Variants in ZNF536 observed in about 807,000 individuals in gnomAD.
ZNF536 encodes zinc finger protein 536.
Under a neutral mutation model 84.5 loss-of-function variants are expected in ZNF536, and 13 were observed. The observed-to-expected ratio is 0.15, with a 90% CI of 0.10 to 0.24. The LOEUF is 0.24. Among genes scored for constraint, ZNF536 ranks in the 10% least tolerant of loss-of-function variants. ZNF536 has a pLI of 1.00. For synonymous variants in ZNF536, 811 were observed against 742.5 expected, an observed-to-expected ratio of 1.09 and a Z score of -1.50; for missense variants, 1,536 against 1,747.5, an observed-to-expected ratio of 0.88 and a Z score of 2.16.
intron 1 of ZNF536, among the ~76,000 whole-genome samples, chr19:30,627,374 G>A (rs925726653): frequency 1.3e-5 from 2 of 149,356 alleles, no homozygotes; most frequent in Non-Finnish European, 3.0e-5. Context: ...GGGAAGCTGA[G>A]GGAAGAGGAT....
chr19:30,672,292 T>C (rs1419795105), intron 1 of ZNF536, among the ~76,000 whole-genome samples: 1 of 152,232 alleles, frequency 6.6e-6, no homozygotes, highest in Non-Finnish European at 1.5e-5. Flanking sequence ...GAGACTTAAG[T>C]GACCACCCCA....
intron 1 of ZNF536, among the ~76,000 whole-genome samples, chr19:30,254,606 T>C (rs999171663): frequency 6.9e-6 from 1 of 145,810 alleles, no homozygotes; most frequent in East Asian, 2.1e-4. Flanking sequence ...AAAAAAATCA[T>C]CCAAACCTCC....
At chr19:30,310,317 G>A (rs1162670450) in intron 2 of ZNF536, among the ~76,000 whole-genome samples, 1 of 152,184 alleles carries the variant, frequency 6.6e-6, no homozygotes, top group Non-Finnish European at 1.5e-5. Flanking sequence ...TTCTTAAACA[G>A]GGGTTGTTTT....
intron 1 of ZNF536, among the ~76,000 whole-genome samples, chr19:30,632,713 A>G (rs933043132): frequency 4.6e-5 from 7 of 152,034 alleles, no homozygotes; most frequent in South Asian, 2.1e-4. Flanking sequence ...CTAGGCCCCA[A>G]TCTCTGTCTC....
chr19:30,645,607 T>C (rs923564422), intron 1 of ZNF536, among the ~76,000 whole-genome samples: 6 of 152,236 alleles, frequency 3.9e-5, no homozygotes, highest in African/African-American at 1.2e-4. Context: ...TTAATATTAA[T>C]GAATGATGTA....
intron 1 of ZNF536, among the ~76,000 whole-genome samples, chr19:30,265,581 C>T (rs1042588227): frequency 6.6e-6 from 1 of 152,194 alleles, no homozygotes; most frequent in African/African-American, 2.4e-5. Flanking sequence ...TGGGGAGACG[C>T]ACTCAGAAAG....
At chr19:30,481,333 G>A (rs561324695) in intron 2 of ZNF536, among the ~76,000 whole-genome samples, 66 of 152,212 alleles carry the variant, frequency 4.3e-4, no homozygotes, top group African/African-American at 1.6e-3. Context: ...TCTCTCTGGG[G>A]GAGTCACACT....
At chr19:30,234,484 C>G (rs1414943983) in intron 1 of ZNF536, among the ~76,000 whole-genome samples, 2 of 149,858 alleles carry the variant, frequency 1.3e-5, no homozygotes, top group South Asian at 4.2e-4. Flanking sequence ...TCACTGCAAC[C>G]TCTGCCTCCC....
intron 1 of ZNF536, among the ~76,000 whole-genome samples, chr19:30,683,424 T>G (rs914586889): frequency 3.3e-5 from 5 of 151,962 alleles, no homozygotes; most frequent in African/African-American, 1.2e-4. Context: ...GTTCAAGGAG[T>G]GTTATGGTGT....
intron 1 of ZNF536, among the ~76,000 whole-genome samples, chr19:30,234,142 A>G (rs2023287696): frequency 6.6e-6 from 1 of 152,210 alleles, no homozygotes; most frequent in African/African-American, 2.4e-5. Context: ...TGAGAAAATT[A>G]AGTGCTGTTA....
chr19:30,233,104 G>C (rs1428647333), intron 1 of ZNF536, among the ~76,000 whole-genome samples: 1 of 152,108 alleles, frequency 6.6e-6, no homozygotes, highest in African/African-American at 2.4e-5. Flanking sequence ...AGACCCATGG[G>C]GTCTGAGAGG....
At chr19:30,469,278 G>A (rs765303844) in intron 2 of ZNF536, among the ~76,000 whole-genome samples, 22 of 152,246 alleles carry the variant, frequency 1.4e-4, no homozygotes, top group Middle Eastern at 3.4e-3. Context: ...GCCGGGCGTG[G>A]TGGTGGGCCT....
In ZNF536 at chr19:30,590,139, G is replaced by A. The variant is rs1209358638; in HGVS notation, c.169+40625G>A. Among the ~76,000 whole-genome samples the A allele has an allele frequency of 3.3e-5, 5 of 152,328 alleles. No homozygotes were observed. The East Asian group carries it at 9.6e-4, about 29-fold the overall frequency. Reference sequence around the variant, plus strand: ...CCTGGGCGGTGTTGATGTTGGCCATGTCAACCCATGGAGGTTCTTCATGGG... The same window carrying A: ...CCTGGGCGGTGTTGATGTTGGCCATATCAACCCATGGAGGTTCTTCATGGG... On this transcript the variant is annotated intron_variant, in intron 1 of 1. Transcript: ENST00000592773.
At chr19:30,485,755 G>A (rs975177308) in intron 2 of ZNF536, among the ~76,000 whole-genome samples, 3 of 152,068 alleles carry the variant, frequency 2.0e-5, no homozygotes, top group Non-Finnish European at 4.4e-5. Context: ...TTTGTAAAGT[G>A]CTATAAGCTT....
chr19:30,436,350 C>T (rs1473996695), intron 1 of ZNF536: 1 of 230,476 alleles, frequency 4.3e-6, no homozygotes, highest in African/African-American at 2.3e-5. Context: ...ACCCGCGCTG[C>T]CCTCCTGTTC....
intron 2 of ZNF536, among the ~76,000 whole-genome samples, chr19:30,461,577 C>A (rs1485234780): frequency 6.6e-6 from 1 of 152,194 alleles, no homozygotes; most frequent in African/African-American, 2.4e-5. Flanking sequence ...CCCCGAGCCC[C>A]TGCTCAAGGT....
chr19:30,701,260 AACAC>A (rs1267486090), intron 1 of ZNF536, among the ~76,000 whole-genome samples: 1 of 146,992 alleles, frequency 6.8e-6, no homozygotes, highest in African/African-American at 2.5e-5. Context: ...CACACACACA[AACAC>A]ACAGACACAG....
At chr19:30,276,987 A>G (rs969671136) in intron 1 of ZNF536, among the ~76,000 whole-genome samples, 1 of 152,226 alleles carries the variant, frequency 6.6e-6, no homozygotes, top group Non-Finnish European at 1.5e-5. Context: ...GAGCCCAATC[A>G]GGGAAATGAT....
At chr19:30,563,451 A>G (rs1181724913) in intron 1 of ZNF536, among the ~76,000 whole-genome samples, 1 of 152,198 alleles carries the variant, frequency 6.6e-6, no homozygotes, top group Non-Finnish European at 1.5e-5. Flanking sequence ...CTCGTGGCCA[A>G]TCGGTGGCCC....
Sources: gnomAD v4.1 joint callset for allele counts (sites outside exome capture counted in the v4.1 genomes callset) on GRCh38, gnomAD v4.1.1 for gene constraint, MANE v1.5 for transcripts, NCBI Gene and HGNC (gene_info 2026-07-23, HGNC 2026-07-21) for gene names.